FHOD3: variants seen among roughly 807,000 people sequenced by gnomAD.
The protein encoded by FHOD3 is formin homology 2 domain containing 3.
In FHOD3, 90 loss-of-function variants were observed where a neutral mutation model predicts 173.0. The ratio of observed to expected loss-of-function variants is 0.52; its 90% CI spans 0.44 to 0.62. FHOD3 has a LOEUF of 0.62. Ranked by LOEUF, FHOD3 falls within the 20% of genes least tolerant of loss-of-function variation. FHOD3 has a pLI of 0.00. For missense variants in FHOD3, 1,945 were observed against 2,034.7 expected (o/e 0.96, Z 0.85); for synonymous variants, 828 against 823.0 (o/e 1.01, Z -0.10).
intron 3 of FHOD3, among the ~76,000 whole-genome samples, chr18:36,448,138 T>G (rs1285030525): frequency 6.6e-6 from 1 of 152,248 alleles, no homozygotes; most frequent in Non-Finnish European, 1.5e-5. Flanking sequence ...TTCATTTCAC[T>G]CTAAGCTTCT....
intron 3 of FHOD3, among the ~76,000 whole-genome samples, chr18:36,460,738 C>T (rs2052500155): frequency 6.6e-6 from 1 of 152,208 alleles, no homozygotes; most frequent in Non-Finnish European, 1.5e-5. Flanking sequence ...GACCACATAG[C>T]AAGTCACTAA....
At chr18:36,611,051 G>A (rs1008032841) in intron 8 of FHOD3, among the ~76,000 whole-genome samples, 2 of 152,196 alleles carry the variant, frequency 1.3e-5, no homozygotes, top group African/African-American at 4.8e-5. Flanking sequence ...AATTCAAAGA[G>A]AAGTCAGCTT....
At chr18:36,416,390 G>T in intron 3 of FHOD3, among the ~76,000 whole-genome samples, 1 of 152,144 alleles carries the variant, frequency 6.6e-6, no homozygotes, top group Non-Finnish European at 1.5e-5. Context: ...TGGCTTGAAC[G>T]TTATTTAGGA....
intron 5 of FHOD3, among the ~76,000 whole-genome samples, chr18:36,516,105 T>A (rs2055958378): frequency 6.6e-6 from 1 of 152,216 alleles, no homozygotes; most frequent in African/African-American, 2.4e-5. Context: ...TTGAACAATT[T>A]CTCACGTAGG....
At chr18:36,652,029 C>T (rs1035011138) in intron 11 of FHOD3, among the ~76,000 whole-genome samples, 5 of 152,202 alleles carry the variant, frequency 3.3e-5, no homozygotes, top group South Asian at 4.1e-4. Context: ...TTGCCTTCCT[C>T]GCTGGCATTT....
intron 14 of FHOD3, among the ~76,000 whole-genome samples, chr18:36,665,588 G>A (rs549819805): frequency 2.7e-5 from 4 of 150,520 alleles, no homozygotes; most frequent in Admixed American, 6.6e-5. Flanking sequence ...TGGTGGGGGG[G>A]CAGGGAGGTT....
At chr18:36,745,236 A>G (rs945657950) in intron 23 of FHOD3, among the ~76,000 whole-genome samples, 23 of 152,094 alleles carry the variant, frequency 1.5e-4, no homozygotes, top group Non-Finnish European at 2.8e-4. Context: ...CGAGCAGGGG[A>G]CCCTGAACTG....
intron 3 of FHOD3, among the ~76,000 whole-genome samples, chr18:36,380,552 G>C (rs57877579): frequency 0.098 from 7,416 of 75,744 alleles, 684 homozygotes; most frequent in African/African-American, 0.21. Context: ...TCTTTCTTTT[G>C]TTTTCTTTTC....
In FHOD3 at chr18:36,681,520, G is replaced by A. The variant is rs779743857; in HGVS notation, c.1920G>A (p.Glu640=). Residue 640 remains glutamate, a synonymous_variant, in exon 15 of 29, where the codon GAG becomes GAA. Transcript: ENST00000590592. ...CAGAGAGAGAGAGGCGGCGGCAGGAGAGAGAAGAAAGGTTGCAGAGAATAG... is the reference window on the plus strand; with the variant it reads ...CAGAGAGAGAGAGGCGGCGGCAGGAAAGAGAAGAAAGGTTGCAGAGAATAG... The part of the protein sequence containing the change: ...LAAERERRRQ[E]REERLQRIER... The A allele has an allele frequency of 1.9e-6, 3 of 1,613,994 alleles. No homozygotes were observed. Among genetic ancestry groups the A allele is most frequent in the Non-Finnish European group, 2.5e-6 (3 of 1,179,946 alleles).
chr18:36,766,670 A>G (rs1054243701), intron 27 of FHOD3, among the ~76,000 whole-genome samples: 1 of 152,222 alleles, frequency 6.6e-6, no homozygotes, highest in Admixed American at 6.5e-5. Flanking sequence ...TGAGAGAATG[A>G]AGTCATCATA....
At chr18:36,579,428 G>A (rs550371735) in intron 6 of FHOD3, among the ~76,000 whole-genome samples, 1 of 152,196 alleles carries the variant, frequency 6.6e-6, no homozygotes, top group Non-Finnish European at 1.5e-5. Context: ...GCAAGGTTAG[G>A]GAAGGTGGGA....
chr18:36,358,679 A>T (rs1011058217), intron 2 of FHOD3, among the ~76,000 whole-genome samples: 1 of 152,228 alleles, frequency 6.6e-6, no homozygotes, highest in African/African-American at 2.4e-5. Flanking sequence ...GAAAAATTTA[A>T]ATTTTTAATT....
intron 15 of FHOD3, among the ~76,000 whole-genome samples, chr18:36,684,501 A>G (rs528478377): frequency 1.6e-4 from 25 of 152,160 alleles, no homozygotes; most frequent in Non-Finnish European, 3.1e-4. Flanking sequence ...CTGTAAAAAA[A>G]AAATAAAAGA....
intron 1 of FHOD3, among the ~76,000 whole-genome samples, chr18:36,352,511 G>C (rs1377393363): frequency 2.0e-5 from 3 of 152,178 alleles, no homozygotes; most frequent in Non-Finnish European, 4.4e-5. Flanking sequence ...TGCATTGGTG[G>C]CTTGAAACAG....
intron 24 of FHOD3, among the ~76,000 whole-genome samples, chr18:36,753,612 AT>A (rs1229602243): frequency 6.6e-6 from 1 of 152,238 alleles, no homozygotes; most frequent in East Asian, 1.9e-4. Flanking sequence ...AACTCTGTTT[AT>A]CTTTTTGAAG....
intron 4 of FHOD3, among the ~76,000 whole-genome samples, chr18:36,510,995 A>C (rs938005200): frequency 6.6e-6 from 1 of 152,148 alleles, no homozygotes; most frequent in Non-Finnish European, 1.5e-5. Flanking sequence ...AATGCCATAA[A>C]AATCAAAATA....
chr18:36,566,919 A>ATTTTCATTTTAT (rs2058285942), intron 5 of FHOD3, among the ~76,000 whole-genome samples: 1 of 152,256 alleles, frequency 6.6e-6, no homozygotes, highest in Admixed American at 6.5e-5. Flanking sequence ...TATTTCCCTT[A>ATTTTCATTTTAT]ATAAGTGCAG....
chr18:36,779,851 GTTA>G lies in FHOD3; in HGVS notation c.*326_*328del. 2.2e-6 allele frequency: 1 copy of G among 452,792 alleles called. No homozygotes were observed. The highest frequency in any genetic ancestry group is 3.9e-6 in the Non-Finnish European group (1 of 257,856). 28.0% of individuals were successfully genotyped at this position (452,792 alleles called of 1,614,324 possible). Reference sequence around the variant, plus strand: ...TAAGGAGCAAATCACTTCTGTCACAGTTATTATGGTAATATGAGGCAATCTGAT... The same window carrying G: ...TAAGGAGCAAATCACTTCTGTCACAGTTATGGTAATATGAGGCAATCTGAT... On this transcript the variant is annotated 3_prime_UTR_variant, in exon 29 of 29. Coordinates refer to ENST00000590592, the MANE Select transcript of FHOD3 (RefSeq NM_001281740.3).
Position 36,652,731 on chromosome 18 carries a change from C to T in FHOD3, c.1448C>T (p.Ala483Val). ...TWHSGSSGSE[A>V]TPSALLSPPA... ...CACAGTGGGTCCTCTGGGTCTGAGG[C>T]CACCCCATCTGCCCTCCTGTCACCC... The change falls in exon 12 of 29, where the codon GCC (alanine) becomes GTC (valine). Residue 483 changes from alanine to valine, a missense_variant. By Grantham distance (64) the Ala-to-Val change is moderately conservative (BLOSUM62 0). Coordinates refer to ENST00000590592, the MANE Select transcript of FHOD3 (RefSeq NM_001281740.3). The T allele has an allele frequency of 6.5e-7, 1 of 1,535,812 alleles. No homozygotes were observed. The highest frequency in any genetic ancestry group is 8.7e-7 in the Non-Finnish European group (1 of 1,146,668).
Sources: gnomAD v4.1 joint callset for allele counts (sites outside exome capture counted in the v4.1 genomes callset) on GRCh38, gnomAD v4.1.1 for gene constraint, MANE v1.5 for transcripts, NCBI Gene and HGNC (gene_info 2026-07-23, HGNC 2026-07-21) for gene names.